The following KBTBD12 variants were observed in gnomAD, a reference collection of about 807,000 sequenced individuals.
The protein encoded by KBTBD12 is kelch repeat and BTB domain-containing protein 12.
KBTBD12 carries 53 observed loss-of-function variants against 58.7 expected under a neutral mutation model. The observed-to-expected ratio is 0.90, with a 90% CI of 0.72 to 1.14. The LOEUF (loss-of-function observed/expected upper bound fraction) is 1.14. Among genes scored for constraint, KBTBD12 ranks in the 50% most tolerant of loss-of-function variants. The probability of loss-of-function intolerance (pLI) is 0.00; values close to 1 mark genes in which losing one functional copy is unlikely to be tolerated. For synonymous variants in KBTBD12, 236 were observed against 259.8 expected, an observed-to-expected ratio of 0.91 and a Z score of 0.88; for missense variants, 704 against 751.3, an observed-to-expected ratio of 0.94 and a Z score of 0.74.
At chr3:127,958,717 G>T (rs1940369659) in intron 4 of KBTBD12, among the ~76,000 whole-genome samples, 1 of 152,144 alleles carries the variant, frequency 6.6e-6, no homozygotes, top group South Asian at 2.1e-4. Context: ...ATGGAACTTG[G>T]TCTTCCCCTT....
intron 5 of KBTBD12, among the ~76,000 whole-genome samples, chr3:127,969,449 C>T (rs1489921640): frequency 2.0e-5 from 3 of 151,900 alleles, no homozygotes; most frequent in Non-Finnish European, 4.4e-5. Context: ...ATATTACATA[C>T]AAAAATTGAT....
intron 4 of KBTBD12, among the ~76,000 whole-genome samples, chr3:127,940,718 A>G (rs1422977263): frequency 6.6e-6 from 1 of 152,106 alleles, no homozygotes; most frequent in African/African-American, 2.4e-5. Flanking sequence ...ATAGGAGCAG[A>G]AAACAGGGAA....
rs1407326835 is a variant in KBTBD12 at position 127,984,871 on chromosome 3, C to A, written c.*593C>A. 1 of 152,380 alleles carries A rather than the reference C, an allele frequency of 6.6e-6. No individual in the cohort carries two copies. The allele number at this position is 152,380 out of a possible 1,614,324, so 9.4% of individuals were successfully genotyped here. ...AAATCGTGCATTAAGGGAGACTTCTCTCTGTGCTCTGTTCCAGCTTCAGTC... is the reference window on the plus strand; with the variant it reads ...AAATCGTGCATTAAGGGAGACTTCTATCTGTGCTCTGTTCCAGCTTCAGTC... On this transcript the variant is annotated 3_prime_UTR_variant, in exon 6 of 6. Transcript: ENST00000405109.
intron 4 of KBTBD12, among the ~76,000 whole-genome samples, chr3:127,952,894 G>C (rs539805467): frequency 9.9e-5 from 15 of 152,178 alleles, no homozygotes; most frequent in Non-Finnish European, 1.3e-4. Flanking sequence ...AATCTCATGT[G>C]TACAAAGGTT....
intron 4 of KBTBD12, among the ~76,000 whole-genome samples, chr3:127,937,822 CTG>C (rs1559764714): frequency 6.6e-6 from 1 of 152,052 alleles, no homozygotes; most frequent in Admixed American, 6.6e-5. Context: ...AGAAAACAGA[CTG>C]ATTACTTTTA....
chr3:127,960,286 T>C (rs1476406976), intron 4 of KBTBD12, among the ~76,000 whole-genome samples: 6 of 152,016 alleles, frequency 3.9e-5, no homozygotes, highest in Non-Finnish European at 7.4e-5. Flanking sequence ...TTTATAGAAA[T>C]GATAAAGAAG....
intron 4 of KBTBD12, among the ~76,000 whole-genome samples, chr3:127,961,711 TA>T (rs1940442458): frequency 6.7e-6 from 1 of 149,968 alleles, no homozygotes; most frequent in African/African-American, 2.5e-5. Context: ...CATGCAAAAT[TA>T]AACTTCTCAT....
chr3:127,929,533 T>A (rs1210176320), intron 3 of KBTBD12, among the ~76,000 whole-genome samples: 1 of 152,140 alleles, frequency 6.6e-6, no homozygotes, highest in African/African-American at 2.4e-5. Context: ...CCTTCTCTAG[T>A]CATTAAAAAT....
At chr3:127,944,932 A>G (rs1940038644) in intron 4 of KBTBD12, among the ~76,000 whole-genome samples, 1 of 151,484 alleles carries the variant, frequency 6.6e-6, no homozygotes, top group Admixed American at 6.6e-5. Context: ...CTCAGGCTAG[A>G]GTCCGTGGCA....
rs1337853834 is a variant in KBTBD12, at chr3:127,983,640, C to T, written c.1691-457C>T. On this transcript the variant is annotated intron_variant, in intron 5 of 5. Coordinates refer to ENST00000405109, the MANE Select transcript of KBTBD12 (RefSeq NM_207335.4). ...TGGTGGCATGTGCCTGTAATCCCAGCTACTCAGGAGGGTGAGGCGGGAGAA... is the reference window on the plus strand; with the variant it reads ...TGGTGGCATGTGCCTGTAATCCCAGTTACTCAGGAGGGTGAGGCGGGAGAA... 2.6e-5 allele frequency among the ~76,000 whole-genome samples: 4 copies of T among 152,040 alleles called. No individual in the cohort carries two copies. In the East Asian group the frequency reaches 7.7e-4, roughly 29 times the overall value.
At chr3:127,922,404 T>G (rs1939432789) in intron 1 of KBTBD12, among the ~76,000 whole-genome samples, 1 of 152,200 alleles carries the variant, frequency 6.6e-6, no homozygotes, top group Admixed American at 6.5e-5. Flanking sequence ...TCTACTGCTT[T>G]GAATTATTTG....
At chr3:127,964,369 CA>C (rs1472914705) in intron 5 of KBTBD12, among the ~76,000 whole-genome samples, 1 of 151,970 alleles carries the variant, frequency 6.6e-6, no homozygotes, top group African/African-American at 2.4e-5. Context: ...CGCGGTGGCT[CA>C]CACCTGTAAT....
At chr3:127,979,758 G>A (rs907673594) in intron 5 of KBTBD12, among the ~76,000 whole-genome samples, 22 of 152,262 alleles carry the variant, frequency 1.4e-4, no homozygotes, top group African/African-American at 5.3e-4. Context: ...AAATGTCATA[G>A]ATATATAGAA....
intron 5 of KBTBD12, among the ~76,000 whole-genome samples, chr3:127,979,218 C>G (rs943042786): frequency 8.5e-5 from 13 of 152,162 alleles, no homozygotes; most frequent in Non-Finnish European, 1.8e-4. Flanking sequence ...ACTTGACTTA[C>G]CAGGAACCAA....
chr3:127,942,778 G>A (rs1474366037), intron 4 of KBTBD12, among the ~76,000 whole-genome samples: 1 of 151,184 alleles, frequency 6.6e-6, no homozygotes, highest in African/African-American at 2.4e-5. Flanking sequence ...AATGTATGAG[G>A]AAAAGAGGTT....
intron 5 of KBTBD12, among the ~76,000 whole-genome samples, chr3:127,971,368 A>G (rs532200557): frequency 3.9e-5 from 6 of 152,288 alleles, no homozygotes; most frequent in African/African-American, 1.4e-4. Context: ...CATGTTTTCT[A>G]GCTCAAGTGT....
rs1421795381 is a variant in KBTBD12 at position 127,923,128 on chromosome 3, A to G, written c.67A>G (p.Asn23Asp). 3.1e-6 allele frequency: 5 copies of G among 1,612,554 alleles called. No homozygotes were observed. In the South Asian group the frequency reaches 4.4e-5, roughly 14 times the overall value. Residue 23 changes from asparagine to aspartate, a missense_variant, in exon 2 of 6, where the codon AAC becomes GAC. Asn to Asp is a conservative substitution (Grantham distance 23, BLOSUM62 1). Coordinates refer to ENST00000405109, the MANE Select transcript of KBTBD12 (RefSeq NM_207335.4). ...CTTGAATTTACTGAATAAAATTCAG[A>G]ACATGAAAGAATTAGCAGAAATGAT... ...HSLNLLNKIQ[N>D]MKELAEMIDV...
intron 4 of KBTBD12, among the ~76,000 whole-genome samples, chr3:127,947,263 G>A (rs554346273): frequency 1.3e-5 from 2 of 152,304 alleles, no homozygotes; most frequent in African/African-American, 4.8e-5. Context: ...GTTAGAGCAA[G>A]GGACTGATTC....
At chr3:127,922,119 C>T (rs1449973696) in intron 1 of KBTBD12, among the ~76,000 whole-genome samples, 2 of 152,056 alleles carry the variant, frequency 1.3e-5, no homozygotes, top group African/African-American at 2.4e-5. Flanking sequence ...TGAAACATCC[C>T]ATTTCCATTT....
Sources: allele counts gnomAD v4.1 joint callset (sites outside exome capture counted in the v4.1 genomes callset), GRCh38; gene constraint gnomAD v4.1.1; transcripts MANE v1.5; gene names NCBI Gene and HGNC (gene_info 2026-07-23, HGNC 2026-07-21).